The following SORCS1 variants were observed in gnomAD, a reference collection of about 807,000 sequenced individuals.
SORCS1 encodes the protein sortilin related VPS10 domain containing receptor 1, also known as VPS10 domain-containing receptor SorCS1.
SORCS1 carries 60 observed loss-of-function variants against 146.1 expected under a neutral mutation model. That is an observed-to-expected ratio of 0.41 (90% CI 0.33 to 0.51). SORCS1 has a LOEUF of 0.51. SORCS1 is among the 20% of genes least tolerant of loss of function. SORCS1 has a pLI of 0.21. For missense variants in SORCS1, 1,352 were observed against 1,487.6 expected (o/e 0.91, Z 1.50); for synonymous variants, 637 against 584.0 (o/e 1.09, Z -1.31).
chr10:107,072,577 A>G (rs1471230465), intron 1 of SORCS1, among the ~76,000 whole-genome samples: 1 of 151,942 alleles, frequency 6.6e-6, no homozygotes, highest in Non-Finnish European at 1.5e-5. Context: ...ATCTTCATAT[A>G]CTTACATATA....
At chr10:107,084,965 AAAATTTCAGAAGCAC>A (rs1441533340) in intron 1 of SORCS1, among the ~76,000 whole-genome samples, 1 of 152,210 alleles carries the variant, frequency 6.6e-6, no homozygotes, top group East Asian at 1.9e-4. Flanking sequence ...TAGGGCATGC[AAAATTTCAGAAGCAC>A]AGCTTCTGAA....
At chr10:106,830,752 C>T (rs1321651250) in intron 2 of SORCS1, among the ~76,000 whole-genome samples, 1 of 151,926 alleles carries the variant, frequency 6.6e-6, no homozygotes, top group Non-Finnish European at 1.5e-5. Context: ...AAAAATTAGC[C>T]TGGCCTGATG....
At chr10:106,801,797 T>C (rs998338946) in intron 3 of SORCS1, among the ~76,000 whole-genome samples, 2 of 152,182 alleles carry the variant, frequency 1.3e-5, no homozygotes, top group Non-Finnish European at 2.9e-5. Context: ...CCCAAAGTGC[T>C]GGGATTACAG....
chr10:106,850,446 G>T (rs926384780), intron 2 of SORCS1, among the ~76,000 whole-genome samples: 4 of 151,916 alleles, frequency 2.6e-5, no homozygotes, highest in Non-Finnish European at 5.9e-5. Flanking sequence ...GCTTCGGCTC[G>T]CACACGGTGC....
chr10:106,829,603 G>T lies in SORCS1; in HGVS notation c.697C>A (p.Leu233Ile). 1 of 1,605,492 alleles carries T rather than the reference G, an allele frequency of 6.2e-7. No homozygotes were observed. The highest frequency in any genetic ancestry group is 8.5e-7 in the Non-Finnish European group (1 of 1,173,284). ...KVGLKTILSY[L>I]YVCPTNKRKI... ...CGCTTGTTGGTAGGACACACATAGAGATAGCTCAAAATGGTTTTCAAACCA... is the reference window on the plus strand; with the variant it reads ...CGCTTGTTGGTAGGACACACATAGATATAGCTCAAAATGGTTTTCAAACCA... The change falls in exon 3 of 26, where the codon CTC becomes ATC. Residue 233 changes from leucine to isoleucine, a missense_variant. Transcript: ENST00000263054.
At chr10:107,108,423 T>C (rs760474244) in intron 1 of SORCS1, among the ~76,000 whole-genome samples, 14 of 152,126 alleles carry the variant, frequency 9.2e-5, no homozygotes, top group Non-Finnish European at 5.9e-5. Context: ...GCATATCACA[T>C]GGCAAAAGCA....
At chr10:106,709,033 T>C (rs1366699453) in intron 7 of SORCS1, among the ~76,000 whole-genome samples, 190 bp downstream of exon 7, 1 of 152,144 alleles carries the variant, frequency 6.6e-6, no homozygotes, top group Non-Finnish European at 1.5e-5. Context: ...AGTCTGTTAG[T>C]ATAGAAGATT....
chr10:107,084,812 G>A (rs994821260), intron 1 of SORCS1, among the ~76,000 whole-genome samples: 4 of 152,126 alleles, frequency 2.6e-5, no homozygotes, highest in Non-Finnish European at 5.9e-5. Flanking sequence ...AAGTTACTGT[G>A]AGTTTATTTT....
At chr10:106,864,843 G>A (rs1329614270) in intron 2 of SORCS1, among the ~76,000 whole-genome samples, 1 of 152,312 alleles carries the variant, frequency 6.6e-6, no homozygotes, top group East Asian at 1.9e-4. Flanking sequence ...CTCCAGAACA[G>A]CACAACTGCT....
rs542760433 is a variant in SORCS1, at chr10:106,796,179, C to T, written c.727-19487G>A. Among the ~76,000 whole-genome samples the T allele has an allele frequency of 2.6e-5, 4 of 152,256 alleles. No homozygotes were observed. The East Asian group carries it at 7.7e-4, about 29-fold the overall frequency. ...TAGCAAAACATACAAGGACTGCCTG[C>T]TATTTTTTAAAATGTCTGCACTGCT... On this transcript the variant is annotated intron_variant, in intron 3 of 25. Transcript: ENST00000263054.
rs184775024 is a variant in SORCS1, at chr10:106,795,068, T to C, written c.727-18376A>G. On this transcript the variant is annotated intron_variant, in intron 3 of 25. Coordinates refer to ENST00000263054, the MANE Select transcript of SORCS1 (RefSeq NM_052918.5). ...TCACAGAGTGGGTGTTCATTATGATTTGATGGAGCTAACACAATGAATGTA... is the reference window on the plus strand; with the variant it reads ...TCACAGAGTGGGTGTTCATTATGATCTGATGGAGCTAACACAATGAATGTA... Among the ~76,000 whole-genome samples the C allele has an allele frequency of 2.4e-3, 359 of 152,330 alleles. 4 individuals are homozygous for C. The highest frequency in any genetic ancestry group is 8.2e-3 in the African/African-American group (343 of 41,586).
chr10:106,598,878 A>G (rs1486434275), intron 23 of SORCS1, among the ~76,000 whole-genome samples: 1 of 152,188 alleles, frequency 6.6e-6, no homozygotes, highest in Non-Finnish European at 1.5e-5. Context: ...CTCCTGAACA[A>G]CAGGAACAGA....
At chr10:106,787,098 T>C (rs560272018) in intron 3 of SORCS1, among the ~76,000 whole-genome samples, 1 of 152,316 alleles carries the variant, frequency 6.6e-6, no homozygotes, top group East Asian at 1.9e-4. Context: ...AAAGTGTGCC[T>C]AAGCAACTCT....
At chr10:106,724,121 T>A (rs1322060028) in intron 6 of SORCS1, among the ~76,000 whole-genome samples, 1 of 152,220 alleles carries the variant, frequency 6.6e-6, no homozygotes, top group Non-Finnish European at 1.5e-5. Flanking sequence ...GTGATTTCTA[T>A]TGCAACAAAG....
At chr10:107,042,940 C>T (rs1959181665) in intron 1 of SORCS1, among the ~76,000 whole-genome samples, 1 of 152,064 alleles carries the variant, frequency 6.6e-6, no homozygotes, top group Non-Finnish European at 1.5e-5. Context: ...CTCAAGAAGG[C>T]CATGTTGGAG....
intron 1 of SORCS1, among the ~76,000 whole-genome samples, chr10:107,125,216 G>T (rs1412698078): frequency 1.3e-5 from 2 of 152,112 alleles, no homozygotes; most frequent in African/African-American, 4.8e-5. Flanking sequence ...CTCAAAAAGT[G>T]CTGGGATTAC....
intron 2 of SORCS1, among the ~76,000 whole-genome samples, chr10:106,839,240 C>G (rs1049876914): frequency 6.6e-6 from 1 of 152,168 alleles, no homozygotes. Context: ...AACAGTCAAG[C>G]TGTGACTGCA....
intron 3 of SORCS1, among the ~76,000 whole-genome samples, chr10:106,799,269 T>C (rs1187394208): frequency 6.6e-6 from 1 of 152,106 alleles, no homozygotes; most frequent in Non-Finnish European, 1.5e-5. Context: ...CCTAAAACCA[T>C]AAAAACCCTA....
At chr10:106,947,038 C>T (rs1173073756) in intron 2 of SORCS1, among the ~76,000 whole-genome samples, 2 of 152,168 alleles carry the variant, frequency 1.3e-5, no homozygotes, top group East Asian at 3.8e-4. Context: ...GTCCAATACA[C>T]ATATGAAAAG....
Sources: allele counts gnomAD v4.1 joint callset (sites outside exome capture counted in the v4.1 genomes callset), GRCh38; gene constraint gnomAD v4.1.1; transcripts MANE v1.5; gene names NCBI Gene and HGNC (gene_info 2026-07-23, HGNC 2026-07-21).